Variants in GLRA1 observed in about 807,000 individuals in gnomAD.
GLRA1 encodes the protein glycine receptor subunit alpha-1.
Under a neutral mutation model 48.3 loss-of-function variants are expected in GLRA1, and 37 were observed. That is an observed-to-expected ratio of 0.77 (90% CI 0.59 to 1.01). GLRA1 has a LOEUF of 1.01. GLRA1 is among the 50% of genes least tolerant of loss of function. The probability of loss-of-function intolerance (pLI) is 0.00; values close to 1 mark genes in which losing one functional copy is unlikely to be tolerated. For missense variants in GLRA1, 427 were observed against 571.0 expected (o/e 0.75, Z 2.57); for synonymous variants, 196 against 210.7 (o/e 0.93, Z 0.60).
At chr5:151,823,052 T>C (rs907897023) in intron 8 of GLRA1, 89 bp from the exon 9 acceptor site, 2 of 1,184,916 alleles carry the variant, frequency 1.7e-6, no homozygotes, top group Non-Finnish European at 2.3e-6. Context: ...GGCCAGGCCA[T>C]GCCTATCTGG....
At chr5:151,918,883 A>C (rs112154961) in intron 1 of GLRA1, among the ~76,000 whole-genome samples, 55 of 152,308 alleles carry the variant, frequency 3.6e-4, no homozygotes, top group African/African-American at 1.3e-3. Context: ...CAAATTTGTA[A>C]GAGTGCATTA....
At chr5:151,857,598 C>T (rs1328791249) in intron 4 of GLRA1, among the ~76,000 whole-genome samples, 1 of 152,178 alleles carries the variant, frequency 6.6e-6, no homozygotes, top group Admixed American at 6.5e-5. Context: ...TCTGGGTGTC[C>T]AGACACAGTT....
chr5:151,845,384 A>G (rs1451608176), intron 7 of GLRA1, among the ~76,000 whole-genome samples: 2 of 152,250 alleles, frequency 1.3e-5, no homozygotes, highest in Non-Finnish European at 2.9e-5. Context: ...AAATAACAAA[A>G]GTGAGCAAAA....
At chr5:151,866,009 A>C (rs1170805932) in intron 3 of GLRA1, among the ~76,000 whole-genome samples, 1 of 152,218 alleles carries the variant, frequency 6.6e-6, no homozygotes, top group Non-Finnish European at 1.5e-5. Flanking sequence ...GGTGTTCGAC[A>C]TGCGGGGGGC....
chr5:151,857,904 C>A (rs541796247), intron 4 of GLRA1, among the ~76,000 whole-genome samples: 1 of 152,322 alleles, frequency 6.6e-6, no homozygotes, highest in African/African-American at 2.4e-5. Context: ...GTGAGAAACC[C>A]AGGGTGCAGA....
rs1763439134 is a variant in GLRA1, at chr5:151,831,986, C to A, written c.913-2919G>T. ...AATCTTTGCTGTTCTGCAGTCTCCA[C>A]TGGTGATAACTAGGCACACAGGGTC... On this transcript the variant is annotated intron_variant, in intron 7 of 8. Coordinates refer to ENST00000274576, the MANE Select transcript of GLRA1 (RefSeq NM_000171.4). Among the ~76,000 whole-genome samples, 4 of 152,216 alleles carry A rather than the reference C, an allele frequency of 2.6e-5. No homozygotes were observed. In the South Asian group the frequency reaches 8.3e-4, roughly 31 times the overall value.
chr5:151,895,766 G>A (rs1754213547), intron 1 of GLRA1, among the ~76,000 whole-genome samples: 2 of 152,028 alleles, frequency 1.3e-5, no homozygotes, highest in South Asian at 4.1e-4. Flanking sequence ...GCTTCCCATG[G>A]CCCACAGTTG....
intron 7 of GLRA1, among the ~76,000 whole-genome samples, chr5:151,838,548 G>C (rs1212329396): frequency 1.3e-5 from 2 of 152,110 alleles, no homozygotes; most frequent in African/African-American, 4.8e-5. Context: ...AACTTCACTA[G>C]ATGGAATCAA....
At chr5:151,919,644 C>G (rs183877277) in intron 1 of GLRA1, among the ~76,000 whole-genome samples, 60 of 152,308 alleles carry the variant, frequency 3.9e-4, no homozygotes, top group East Asian at 9.6e-4. Context: ...GAGAAGATAT[C>G]CTAAACTGGC....
At chr5:151,840,087 C>T (rs1264593694) in intron 7 of GLRA1, among the ~76,000 whole-genome samples, 1 of 142,808 alleles carries the variant, frequency 7.0e-6, no homozygotes, top group East Asian at 2.0e-4. Context: ...AGATGACACG[C>T]TAGAAAATAC....
At chr5:151,828,427 G>A (rs1763334564) in intron 8 of GLRA1, among the ~76,000 whole-genome samples, 1 of 152,130 alleles carries the variant, frequency 6.6e-6, no homozygotes, top group Admixed American at 6.5e-5. Context: ...TCCCTCATAT[G>A]GAGAGAGAAC....
intron 6 of GLRA1, among the ~76,000 whole-genome samples, chr5:151,853,499 A>G (rs892925013): frequency 6.7e-6 from 1 of 148,312 alleles, no homozygotes; most frequent in Non-Finnish European, 1.5e-5. Flanking sequence ...CAAGTCATCC[A>G]CCCGCCTTGA....
At chr5:151,860,140 G>A (rs1753157643) in intron 3 of GLRA1, 132 bp from the exon 4 acceptor site, 1 of 714,914 alleles carries the variant, frequency 1.4e-6, no homozygotes, top group African/African-American at 1.7e-5. Context: ...TCTTATATGG[G>A]GGTGAGACAT....
At chr5:151,879,000 C>G (rs1471710132) in intron 3 of GLRA1, among the ~76,000 whole-genome samples, 2 of 152,238 alleles carry the variant, frequency 1.3e-5, no homozygotes, top group Non-Finnish European at 2.9e-5. Context: ...ATGGTAGATC[C>G]ACTGACAACT....
chr5:151,876,931 ATCTCTC>A (rs147067649), intron 3 of GLRA1, among the ~76,000 whole-genome samples: 1 of 149,500 alleles, frequency 6.7e-6, no homozygotes, highest in South Asian at 2.1e-4. Context: ...GAGGTGCCAG[ATCTCTC>A]TCTCTCTCTC....
chr5:151,826,965 A>G (rs1334948989), intron 8 of GLRA1, among the ~76,000 whole-genome samples: 1 of 151,970 alleles, frequency 6.6e-6, no homozygotes, highest in Non-Finnish European at 1.5e-5. Context: ...GCTAGTGTAT[A>G]GGGAAAATGG....
At position 151,822,829 on chromosome 5, in the gene GLRA1, A is replaced by G. The variant is rs755597085; in HGVS notation, c.1194T>C (p.Ser398=). 1 of 1,614,116 alleles carries G rather than the reference A, an allele frequency of 6.2e-7. No homozygotes were observed. The highest frequency in any genetic ancestry group is 2.2e-5 in the East Asian group (1 of 44,864). ...GTTTTCGCATCTCCTCTGGGGACTT[A>G]GATGGTGCAGGAGGGGGGTTGGTGG... is the stretch of plus-strand genomic sequence containing the variant. ...SNTTNPPPAP[S]KSPEEMRKLF... The change falls in exon 9 of 9, where the codon TCT becomes TCC. Residue 398 remains serine, a synonymous_variant. Transcript: ENST00000274576.
In GLRA1 at chr5:151,876,771, T is replaced by C. The variant is rs1007238139; in HGVS notation, c.252+9950A>G. On this transcript the variant is annotated intron_variant, in intron 3 of 8. Coordinates refer to ENST00000274576, the MANE Select transcript of GLRA1 (RefSeq NM_000171.4). The stretch of plus-strand genomic sequence containing the variant: ...TACTTGGCAGTTGTTATGGACTGAA[T>C]GTGTCCCTCCAAAATTTATATGTTG... Among the ~76,000 whole-genome samples, 50 of 152,284 alleles carry C rather than the reference T, an allele frequency of 3.3e-4. 1 individual carries two copies. The highest frequency in any genetic ancestry group is 1.2e-3 in the African/African-American group (50 of 41,566).
At chr5:151,912,146 C>T (rs1581663641) in intron 1 of GLRA1, among the ~76,000 whole-genome samples, 2 of 151,962 alleles carry the variant, frequency 1.3e-5, no homozygotes, top group East Asian at 1.9e-4. Flanking sequence ...TGGGCCGTAT[C>T]ACCTCCTTTT....
Sources: gnomAD v4.1 joint callset for allele counts (sites outside exome capture counted in the v4.1 genomes callset) on GRCh38, gnomAD v4.1.1 for gene constraint, MANE v1.5 for transcripts, NCBI Gene and HGNC (gene_info 2026-07-23, HGNC 2026-07-21) for gene names.